Variants in AKAP6 observed in about 807,000 individuals in gnomAD.
AKAP6 encodes the protein A-kinase anchoring protein 6.
AKAP6 carries 58 observed loss-of-function variants against 188.5 expected under a neutral mutation model. The observed-to-expected ratio is 0.31, with a 90% confidence interval of 0.25 to 0.38. The LOEUF is 0.38. Among genes scored for constraint, AKAP6 ranks in the 10% least tolerant of loss-of-function variants. The pLI is 1.00. For missense variants in AKAP6, 2,710 were observed against 2,740.0 expected, an observed-to-expected ratio of 0.99 and a Z score of 0.24; for synonymous variants, 989 against 998.6, an observed-to-expected ratio of 0.99 and a Z score of 0.18.
Position 32,465,371 on chromosome 14 carries a change from G to T in AKAP6, c.324+31554G>T, listed in dbSNP as rs1188420935. Among the ~76,000 whole-genome samples the T allele has an allele frequency of 1.8e-4, 12 of 65,844 alleles. No individual in the cohort carries two copies. In the South Asian group the frequency reaches 5.9e-3, roughly 32 times the overall value. The allele number at this position is 65,844 out of a possible 152,430, so 43.2% of individuals were successfully genotyped here. ...AGGGTACAGTAACCAAAACAGCGTGGTACTGGTACCAAAACAGATATATAG... is the reference window on the plus strand; with the variant it reads ...AGGGTACAGTAACCAAAACAGCGTGTTACTGGTACCAAAACAGATATATAG... On this transcript the variant is annotated intron_variant, in intron 2 of 13. Transcript: ENST00000280979.
chr14:32,421,343 A>ATCTTACCTTT (rs57421779), intron 1 of AKAP6, among the ~76,000 whole-genome samples: 147,928 of 152,032 alleles, frequency 0.97, 72,020 homozygotes, highest in East Asian at 1. Context: ...GTCACTAATT[A>ATCTTACCTTT]TCTCTCCTAA....
intron 2 of AKAP6, among the ~76,000 whole-genome samples, chr14:32,503,139 A>G (rs1016646304): frequency 2.6e-5 from 4 of 152,106 alleles, no homozygotes; most frequent in South Asian, 2.1e-4. Flanking sequence ...TCTGAAAATG[A>G]TATTTTAGTG....
rs576744328 is a variant in AKAP6 at position 32,742,252 on chromosome 14, G to A, written c.3372+6370G>A. Among the ~76,000 whole-genome samples, 261 of 151,578 alleles carry A rather than the reference G, an allele frequency of 1.7e-3. 2 individuals are homozygous for A. Among genetic ancestry groups the A allele is most frequent in the Non-Finnish European group, 3.0e-3 (200 of 67,722 alleles). On this transcript the variant is annotated intron_variant, in intron 11 of 13. Transcript: ENST00000280979. ...TTTCATTTATGATTTTATTTATTTG[G>A]ATCTTCTCTCTTTTTCTTAGTCTGC... is the stretch of plus-strand genomic sequence containing the variant.
In AKAP6 at chr14:32,822,131, G is replaced by A. The variant is rs1244942389; in HGVS notation, c.4318G>A (p.Val1440Ile). 6.2e-7 allele frequency: 1 copy of A among 1,613,898 alleles called. No homozygotes were observed. Among genetic ancestry groups the A allele is most frequent in the Admixed American group, 1.7e-5 (1 of 59,924 alleles). ...ACCAGTGGGTTGTGTAAATGGAAAA[G>A]TTGGAGATTTAAACAGTATTACCAA... is the stretch of plus-strand genomic sequence containing the variant. ...ISPVGCVNGK[V>I]GDLNSITKHT... The change falls in exon 13 of 14, where the codon GTT becomes ATT. Residue 1440 changes from valine to isoleucine, a missense_variant. By Grantham distance (29) the Val-to-Ile change is conservative. Coordinates refer to ENST00000280979, the MANE Select transcript of AKAP6 (RefSeq NM_004274.5).
At chr14:32,530,401 G>T (rs1882358867) in intron 2 of AKAP6, among the ~76,000 whole-genome samples, 1 of 151,958 alleles carries the variant, frequency 6.6e-6, no homozygotes, top group Non-Finnish European at 1.5e-5. Context: ...GTGCAACTTT[G>T]TGGAACTGAG....
intron 2 of AKAP6, among the ~76,000 whole-genome samples, chr14:32,512,202 G>T (rs1441116048): frequency 3.3e-5 from 5 of 151,964 alleles, no homozygotes; most frequent in Non-Finnish European, 2.9e-5. Context: ...CTTGAGGTTT[G>T]GTTGATATTT....
Position 32,568,512 on chromosome 14 carries a change from C to A in AKAP6, c.2347-8608C>A, listed in dbSNP as rs1469376134. 6.6e-6 allele frequency among the ~76,000 whole-genome samples: 1 copy of A among 151,920 alleles called. No homozygotes were observed. The highest frequency in any genetic ancestry group is 1.9e-4 in the East Asian group (1 of 5,186). On this transcript the variant is annotated intron_variant, in intron 4 of 13. Transcript: ENST00000280979. This position sits in a 1 kb window ranked among gnomAD's most constrained non-coding sequence, Gnocchi z 6.2. ...CATTAAACTATCATAATCCTAAATT[C>A]TAAGTTATGAGTATCTCAGGTGCTC...
chr14:32,685,049 A>T (rs2139660454), intron 8 of AKAP6, among the ~76,000 whole-genome samples: 1 of 151,884 alleles, frequency 6.6e-6, no homozygotes, highest in South Asian at 2.1e-4. Context: ...TGAGCCCAGG[A>T]GTTCAAGACC....
chr14:32,615,813 C>A (rs1003876273), intron 7 of AKAP6, among the ~76,000 whole-genome samples: 1 of 152,034 alleles, frequency 6.6e-6, no homozygotes, highest in Non-Finnish European at 1.5e-5. Context: ...CCAGGATGGT[C>A]TCGATCTCCT....
chr14:32,726,164 A>G (rs2030862556), intron 9 of AKAP6: 1 of 982,930 alleles, frequency 1.0e-6, no homozygotes, highest in African/African-American at 1.7e-5. Flanking sequence ...ACTTTTCATT[A>G]CATTTTCATT....
chr14:32,503,672 A>C (rs1000974239), intron 2 of AKAP6, among the ~76,000 whole-genome samples: 1 of 151,922 alleles, frequency 6.6e-6, no homozygotes, highest in African/African-American at 2.4e-5. Context: ...CCCCTTTATC[A>C]CATGCCCAAA....
intron 2 of AKAP6, among the ~76,000 whole-genome samples, chr14:32,521,547 A>G (rs1024512373): frequency 6.6e-6 from 1 of 152,212 alleles, no homozygotes; most frequent in African/African-American, 2.4e-5. Flanking sequence ...CCACTAACAG[A>G]CAAACAGAGA....
intron 11 of AKAP6, among the ~76,000 whole-genome samples, chr14:32,747,746 A>G (rs2139891460): frequency 6.6e-6 from 1 of 152,374 alleles, no homozygotes; most frequent in Admixed American, 6.5e-5. Flanking sequence ...AACCCACAGA[A>G]CATTTTTACA....
intron 9 of AKAP6, among the ~76,000 whole-genome samples, chr14:32,731,156 G>A (rs1165748025): frequency 2.6e-5 from 4 of 152,204 alleles, no homozygotes; most frequent in Non-Finnish European, 5.9e-5. Context: ...ACTAACATTT[G>A]GAGAAGTTTA....
intron 1 of AKAP6, among the ~76,000 whole-genome samples, chr14:32,339,835 G>T (rs3784171): frequency 0.28 from 43,293 of 151,934 alleles, 7,272 homozygotes; most frequent in East Asian, 0.48. Context: ...ATAATTAAGA[G>T]AGCCTAATTC....
Position 32,492,355 on chromosome 14 carries a change from T to TATATATATAG in AKAP6, c.325-43198_325-43197insTATATATAGA. Among the ~76,000 whole-genome samples the TATATATATAG allele has an allele frequency of 5.4e-3, 447 of 82,582 alleles. 3 individuals are homozygous for TATATATATAG. The highest frequency in any genetic ancestry group is 0.014 in the African/African-American group (423 of 30,228). The allele number at this position is 82,582 out of a possible 152,430, so 54.2% of individuals were successfully genotyped here. ...ACATTGTAATATATATATATATATA[T>TATATATATAG]AGAGAGAGAGAGAGAGAGAGAGAGA... On this transcript the variant is annotated intron_variant, in intron 2 of 13. Transcript: ENST00000280979.
chr14:32,475,455 T>C (rs920529335), intron 2 of AKAP6, among the ~76,000 whole-genome samples: 2 of 152,146 alleles, frequency 1.3e-5, no homozygotes, highest in Non-Finnish European at 2.9e-5. Flanking sequence ...ATTTTAAAGG[T>C]GATATTTTGG....
At chr14:32,680,694 T>A (rs1358567752) in intron 8 of AKAP6, among the ~76,000 whole-genome samples, 1 of 152,250 alleles carries the variant, frequency 6.6e-6, no homozygotes, top group Non-Finnish European at 1.5e-5. Context: ...CAGGGAAGAC[T>A]GAGCTGCTAC....
intron 12 of AKAP6, among the ~76,000 whole-genome samples, chr14:32,798,759 A>G (rs2033850338): frequency 6.6e-6 from 1 of 152,130 alleles, no homozygotes; most frequent in Non-Finnish European, 1.5e-5. Context: ...TAAAAAAACT[A>G]CCTATCAGGT....
Sources: allele counts gnomAD v4.1 joint callset (sites outside exome capture counted in the v4.1 genomes callset), GRCh38; gene constraint gnomAD v4.1.1; non-coding constraint Gnocchi (gnomAD v3.1); transcripts MANE v1.5; gene names NCBI Gene and HGNC (gene_info 2026-07-23, HGNC 2026-07-21).